Variants in ETV5 observed in about 807,000 individuals in gnomAD.
ETV5 encodes ETS translocation variant 5.
ETV5 carries 10 observed loss-of-function variants against 70.0 expected under a neutral mutation model. That is an observed-to-expected ratio of 0.14 (90% CI 0.09 to 0.24). The LOEUF (loss-of-function observed/expected upper bound fraction) is 0.24, where lower values mean the gene tolerates loss of function less well. Among genes scored for constraint, ETV5 ranks in the 10% least tolerant of loss-of-function variants. The pLI is 1.00. For synonymous variants in ETV5, 216 were observed against 242.2 expected (o/e 0.89, Z 1.01); for missense variants, 453 against 651.2 (o/e 0.70, Z 3.31).
At chr3:186,070,720 A>ACTTGAACCACCCTCC (rs1455967046) in intron 7 of ETV5, among the ~76,000 whole-genome samples, 2 of 152,232 alleles carry the variant, frequency 1.3e-5, no homozygotes, top group African/African-American at 4.8e-5. Flanking sequence ...ACTGACCTTC[A>ACTTGAACCACCCTCC]CTTGAACCAC....
Position 186,105,570 on chromosome 3 carries a change from G to A in ETV5, c.133+55C>T, listed in dbSNP as rs1211568537. 6 of 1,610,598 alleles carry A rather than the reference G, an allele frequency of 3.7e-6. No homozygotes were observed. Among genetic ancestry groups the A allele is most frequent in the African/African-American group, 1.3e-5 (1 of 74,998 alleles). ...GGAGAAGACAGGGAAGAATCTACAC[G>A]CTACTGTCACTGGGAGCAGGGAAGC... On this transcript the variant is annotated intron_variant, in intron 3 of 12. Coordinates refer to ENST00000306376, the MANE Select transcript of ETV5 (RefSeq NM_004454.3). The surrounding 1 kb of genome is among the most constrained non-coding windows in gnomAD (Gnocchi z 4.5).
rs114138565 is a variant in ETV5, at chr3:186,085,799, C to T, written c.233-4624G>A. On this transcript the variant is annotated intron_variant, in intron 5 of 12. Coordinates refer to ENST00000306376, the MANE Select transcript of ETV5 (RefSeq NM_004454.3). The stretch of plus-strand genomic sequence containing the variant: ...TGCTGGGATTACAGGCGTGAGCCAC[C>T]GTACCCGGCAGCCTTCACTTTTTGT... Among the ~76,000 whole-genome samples, 488 of 152,268 alleles carry T rather than the reference C, an allele frequency of 3.2e-3. 3 individuals carry two copies. The highest frequency in any genetic ancestry group is 0.011 in the African/African-American group (473 of 41,564).
At chr3:186,083,386 T>C (rs1713977050) in intron 5 of ETV5, among the ~76,000 whole-genome samples, 1 of 152,258 alleles carries the variant, frequency 6.6e-6, no homozygotes, top group South Asian at 2.1e-4. Context: ...TAGGGTATTA[T>C]TGAATGGTCT....
At chr3:186,073,558 C>T (rs1713698364) in intron 7 of ETV5, among the ~76,000 whole-genome samples, 1 of 152,194 alleles carries the variant, frequency 6.6e-6, no homozygotes. Context: ...TTTAAAAATA[C>T]TCTCTGGATG....
At chr3:186,075,847 G>A (rs1295470794) in intron 7 of ETV5, among the ~76,000 whole-genome samples, 1 of 152,242 alleles carries the variant, frequency 6.6e-6, no homozygotes, top group Non-Finnish European at 1.5e-5. Flanking sequence ...TGTCAAGTAA[G>A]TGAGAAAGCA....
intron 5 of ETV5, among the ~76,000 whole-genome samples, chr3:186,082,896 C>T (rs953101099): frequency 6.6e-6 from 1 of 152,240 alleles, no homozygotes; most frequent in African/African-American, 2.4e-5. Flanking sequence ...TTGCCAGTGA[C>T]TGACTGGAAA....
chr3:186,105,297 G>T lies in ETV5; in HGVS notation c.232+8C>A. On this transcript the variant is annotated splice_region_variant and intron_variant, in intron 5 of 12. Coordinates refer to ENST00000306376, the MANE Select transcript of ETV5 (RefSeq NM_004454.3). The surrounding 1 kb of genome is among the most constrained non-coding windows in gnomAD (Gnocchi z 4.5). Reference sequence around the variant, plus strand: ...GAACAAATGTGCCATCACCAGAAAGGTACTTACGGTTATCAGACTGAAAAT... The same window carrying T: ...GAACAAATGTGCCATCACCAGAAAGTTACTTACGGTTATCAGACTGAAAAT... The T allele has an allele frequency of 3.1e-6, 5 of 1,609,946 alleles. No homozygotes were observed. The highest frequency in any genetic ancestry group is 4.2e-6 in the Non-Finnish European group (5 of 1,178,448).
chr3:186,054,313 T>C lies in ETV5; in HGVS notation c.1210-2182A>G, dbSNP rs1331157453. ...TAGCACGTATCTTGAGGACTGAGGC[T>C]GAAGGAGTTAACGGATCTACCTATT... On this transcript the variant is annotated intron_variant, in intron 11 of 12. Transcript: ENST00000306376. The surrounding 1 kb of genome is among the most constrained non-coding windows in gnomAD (Gnocchi z 4.4). Among the ~76,000 whole-genome samples, 1 of 152,192 alleles carries C rather than the reference T, an allele frequency of 6.6e-6. No homozygotes were observed. Among genetic ancestry groups the C allele is most frequent in the Non-Finnish European group, 1.5e-5 (1 of 68,034 alleles).
At chr3:186,087,696 C>T (rs993929914) in intron 5 of ETV5, among the ~76,000 whole-genome samples, 2 of 152,320 alleles carry the variant, frequency 1.3e-5, no homozygotes, top group African/African-American at 2.4e-5. Context: ...TTACTGCCCA[C>T]AAGTACAGGC....
rs76623250 is a variant in ETV5 at position 186,052,812 on chromosome 3, T to C, written c.1210-681A>G. On this transcript the variant is annotated intron_variant, in intron 11 of 12. Transcript: ENST00000306376. The surrounding 1 kb of genome is among the most constrained non-coding windows in gnomAD (Gnocchi z 4.5). ...ACCCAGTCCACCTGAGGCACACTGA[T>C]AGGGCAATATAATTGGAGCTCTGGG... Among the ~76,000 whole-genome samples the C allele has an allele frequency of 6.9e-4, 105 of 152,298 alleles. No homozygotes were observed. The highest frequency in any genetic ancestry group is 1.3e-3 in the Non-Finnish European group (87 of 68,008).
In ETV5 at chr3:186,105,772, G is replaced by A. The variant is rs867974369; in HGVS notation, c.45+52C>T. The A allele has an allele frequency of 6.2e-6, 10 of 1,610,276 alleles. No individual in the cohort carries two copies. In the Middle Eastern group the frequency reaches 6.6e-4, roughly 106 times the overall value. ...GTAGTAAAGAGGTCCACAGGGGGAA[G>A]ACTCATATTGGAGAGGGAGGACAAA... On this transcript the variant is annotated intron_variant, in intron 2 of 12. Coordinates refer to ENST00000306376, the MANE Select transcript of ETV5 (RefSeq NM_004454.3). The surrounding 1 kb of genome is among the most constrained non-coding windows in gnomAD (Gnocchi z 4.5).
intron 1 of ETV5, among the ~76,000 whole-genome samples, chr3:186,107,581 A>T (rs1203932705): frequency 6.6e-6 from 1 of 152,240 alleles, no homozygotes; most frequent in African/African-American, 2.4e-5. Context: ...GGGTTAGAAA[A>T]ATTGTATTCC....
intron 7 of ETV5, chr3:186,077,906 A>G (rs1713835698): frequency 2.9e-6 from 2 of 694,428 alleles, no homozygotes; most frequent in Non-Finnish European, 1.8e-6. Context: ...TTTTAGACCC[A>G]TCAGTCTCAA....
chr3:186,095,820 C>G (rs1410003641), intron 5 of ETV5, among the ~76,000 whole-genome samples: 1 of 152,042 alleles, frequency 6.6e-6, no homozygotes, highest in Non-Finnish European at 1.5e-5. Context: ...GGTTTGAGAC[C>G]CTTTACAGTG....
intron 7 of ETV5, among the ~76,000 whole-genome samples, chr3:186,074,995 G>T (rs1713746631): frequency 2.0e-5 from 3 of 151,982 alleles, no homozygotes; most frequent in South Asian, 4.2e-4. Flanking sequence ...CCCAAAAGAG[G>T]CAGTATAAAT....
chr3:186,071,999 C>T (rs1342015608), intron 7 of ETV5, among the ~76,000 whole-genome samples: 1 of 151,142 alleles, frequency 6.6e-6, no homozygotes, highest in East Asian at 2.0e-4. Flanking sequence ...AGGGTTTCAC[C>T]ACGTTGGCCA....
intron 7 of ETV5, among the ~76,000 whole-genome samples, chr3:186,068,046 T>G (rs781631890): frequency 4.2e-4 from 64 of 152,150 alleles, no homozygotes; most frequent in Admixed American, 2.3e-3. Context: ...AGTAACAAAG[T>G]CAGAAGAGAA....
intron 8 of ETV5, 66 bp downstream of exon 8, chr3:186,065,747 A>G: frequency 6.2e-7 from 1 of 1,602,572 alleles, no homozygotes; most frequent in Non-Finnish European, 8.5e-7. Context: ...TGCATGTATA[A>G]GACACTGAAT....
At position 186,096,147 on chromosome 3, in the gene ETV5, A is replaced by G. The variant is rs149584244; in HGVS notation, c.232+9158T>C. 2.5e-4 allele frequency among the ~76,000 whole-genome samples: 38 copies of G among 152,262 alleles called. 1 individual carries two copies. The highest frequency in any genetic ancestry group is 7.5e-4 in the African/African-American group (31 of 41,522). ...CTTCTTCCGCAAGAAATAAAATTCC[A>G]TGGCTGCTGGGGAAGAAAAAAAATG... On this transcript the variant is annotated intron_variant, in intron 5 of 12. Transcript: ENST00000306376.
Sources: gnomAD v4.1 joint callset for allele counts (sites outside exome capture counted in the v4.1 genomes callset) on GRCh38, gnomAD v4.1.1 for gene constraint, Gnocchi (gnomAD v3.1) non-coding constraint, MANE v1.5 for transcripts, NCBI Gene and HGNC (gene_info 2026-07-23, HGNC 2026-07-21) for gene names.